Variants in LRRC43 observed in about 807,000 individuals in gnomAD.
The protein encoded by LRRC43 is leucine-rich repeat-containing protein 43.
In LRRC43, 62 loss-of-function variants were observed where a neutral mutation model predicts 64.3. The observed-to-expected ratio is 0.96, with a 90% CI of 0.79 to 1.19. The LOEUF (loss-of-function observed/expected upper bound fraction) is 1.19. Ranked by LOEUF, LRRC43 falls within the 50% of genes most tolerant of loss-of-function variation. The probability of loss-of-function intolerance (pLI) is 0.00; values close to 1 mark genes in which losing one functional copy is unlikely to be tolerated. For missense variants in LRRC43, 868 were observed against 845.0 expected (o/e 1.03, Z -0.34); for synonymous variants, 422 against 382.3 (o/e 1.10, Z -1.21).
At chr12:122,199,719 G>A (rs1230517055) in intron 7 of LRRC43, among the ~76,000 whole-genome samples, 1 of 152,034 alleles carries the variant, frequency 6.6e-6, no homozygotes, top group Non-Finnish European at 1.5e-5. Flanking sequence ...AAGTAGCTGG[G>A]ACTGCAGCCA....
At chr12:122,174,205 G>A (rs1953517319) in intron 1 of LRRC43, 2 of 1,613,758 alleles carry the variant, frequency 1.2e-6, no homozygotes, top group Admixed American at 1.7e-5. Flanking sequence ...TTCAGTGGGG[G>A]CTTCTGGAGC....
Position 122,183,214 on chromosome 12 carries a change from A to C in LRRC43, c.70A>C (p.Thr24Pro), listed in dbSNP as rs746797772. 4 of 1,564,530 alleles carry C rather than the reference A, an allele frequency of 2.6e-6. No individual in the cohort carries two copies. The highest frequency in any genetic ancestry group is 2.4e-5 in the East Asian group (1 of 41,100). The change falls in exon 1 of 12, where the codon ACC becomes CCC. Residue 24 changes from threonine to proline, a missense_variant. Transcript: ENST00000339777. ...EAGPGTQRPG[T>P]GTVSAAVREH... ...CGGGCCTGGGACTCAGCGGCCCGGGACCGGGACCGTGAGCGCGGCCGTGCG... is the reference window on the plus strand; with the variant it reads ...CGGGCCTGGGACTCAGCGGCCCGGGCCCGGGACCGTGAGCGCGGCCGTGCG...
intron 1 of LRRC43, among the ~76,000 whole-genome samples, chr12:122,169,900 C>A (rs2136015649): frequency 6.6e-6 from 1 of 151,840 alleles, no homozygotes; most frequent in Non-Finnish European, 1.5e-5. Flanking sequence ...CCTCCACCTC[C>A]TAGGTTCAAG....
At chr12:122,178,760 TTTTG>T (rs1283577583), upstream of LRRC43, among the ~76,000 whole-genome samples, 1 of 151,910 alleles carries the variant, frequency 6.6e-6, no homozygotes, top group East Asian at 1.9e-4. Context: ...CTTGGCGTTT[TTTTG>T]TTTGTTTGTT....
At chr12:122,169,482 G>A (rs973367064) in intron 1 of LRRC43, among the ~76,000 whole-genome samples, 6 of 152,014 alleles carry the variant, frequency 3.9e-5, no homozygotes, top group East Asian at 1.9e-4. Context: ...TTGGGAGGCC[G>A]AGACAGGTGG....
rs1415269238 is a variant in LRRC43 at position 122,183,177 on chromosome 12, C to T, written c.33C>T (p.Ser11=). ...CGTCGTACGAGTCCGAGTCCGAGTC[C>T]GAGTCTGAGGCCGGGCCTGGGACTC... MEASYESESE[S]ESEAGPGTQR... The change falls in exon 1 of 12, where the codon TCC becomes TCT. Residue 11 remains serine, a synonymous_variant. Transcript: ENST00000339777. 3 of 1,556,500 alleles carry T rather than the reference C, an allele frequency of 1.9e-6. No individual in the cohort carries two copies. In the Admixed American group the frequency reaches 5.5e-5, roughly 29 times the overall value.
At chr12:122,186,367 C>G in intron 3 of LRRC43, 67 bp downstream of exon 3, 1 of 1,016,816 alleles carries the variant, frequency 9.8e-7, no homozygotes, top group South Asian at 1.4e-5. Flanking sequence ...CCTTACCCTG[C>G]CCCACATAGT....
chr12:122,190,910 A>G (rs1953710765), intron 5 of LRRC43, among the ~76,000 whole-genome samples: 1 of 151,704 alleles, frequency 6.6e-6, no homozygotes, highest in Non-Finnish European at 1.5e-5. Flanking sequence ...TGGAGGCTGC[A>G]GTGAGCTATC....
chr12:122,192,896 T>C lies in LRRC43; in HGVS notation c.1241T>C (p.Leu414Pro), dbSNP rs1953734335. The change falls in exon 7 of 12, where the codon CTG becomes CCG. Residue 414 changes from leucine to proline, a missense_variant. Coordinates refer to ENST00000339777, the MANE Select transcript of LRRC43 (RefSeq NM_001098519.2). ...SEVEESGESE[L>P]SVISGPSTIL... ...GTGGAGGAGTCAGGAGAGTCGGAGC[T>C]GTCTGTCATCTCGGGGCCTTCGACC... 3.1e-6 allele frequency: 5 copies of C among 1,614,024 alleles called. No homozygotes were observed. The African/African-American group carries it at 5.3e-5, about 17-fold the overall frequency.
intron 1 of LRRC43, among the ~76,000 whole-genome samples, chr12:122,169,358 A>G (rs1199657369): frequency 6.6e-6 from 1 of 152,130 alleles, no homozygotes; most frequent in Non-Finnish European, 1.5e-5. Context: ...TGAGGCAGTT[A>G]TTACTGTGGT....
At chr12:122,172,281 T>C (rs1387230595) in intron 1 of LRRC43, 3 of 669,848 alleles carry the variant, frequency 4.5e-6, no homozygotes, top group East Asian at 5.3e-5. Flanking sequence ...GACTAGCCCA[T>C]ATGAGGGGTC....
rs773997116 is a variant in LRRC43, at chr12:122,201,326, AAAG to A, written c.1841_1843del (p.Glu615del). ...AAAGAAGATTAAGAAAGTTGCCAAA[AAAG>A]GTGAGTGCCGATGGTGGTGACCAAA... On this transcript the variant is annotated inframe_deletion and splice_region_variant, in exon 11 of 12. Coordinates refer to ENST00000339777, the MANE Select transcript of LRRC43 (RefSeq NM_001098519.2). The A allele has an allele frequency of 6.2e-7, 1 of 1,613,976 alleles. No homozygotes were observed. Among genetic ancestry groups the A allele is most frequent in the African/African-American group, 1.3e-5 (1 of 74,928 alleles).
At chr12:122,186,923 G>T (rs1245377790) in intron 3 of LRRC43, among the ~76,000 whole-genome samples, 1 of 147,538 alleles carries the variant, frequency 6.8e-6, no homozygotes. Context: ...TCTCAAAGTG[G>T]TCTATCCATT....
Position 122,200,246 on chromosome 12 carries a change from C to G in LRRC43, c.1407C>G (p.Tyr469Ter), listed in dbSNP as rs141017122. ...KPWAEVIPCS[Y>*]EMQHSLRDLV... ...GGGCTGAGGTCATCCCCTGCAGTTA[C>G]GAGATGCAGCACTCTCTCAGGGACC... The change falls in exon 8 of 12, where the codon TAC (tyrosine) becomes TAG (stop). Residue 469 changes from tyrosine to a stop codon, truncating the protein, a stop_gained. Transcript: ENST00000339777. LOFTEE classifies it high-confidence loss of function. The surrounding 1 kb of genome is among the most constrained non-coding windows in gnomAD (Gnocchi z 4.6). 1.2e-6 allele frequency: 2 copies of G among 1,614,020 alleles called. No individual in the cohort carries two copies. The highest frequency in any genetic ancestry group is 1.7e-6 in the Non-Finnish European group (2 of 1,180,006).
Position 122,200,967 on chromosome 12 carries a change from C to G in LRRC43, c.1809+33C>G. 1.3e-6 allele frequency: 2 copies of G among 1,549,768 alleles called. No individual in the cohort carries two copies. The highest frequency in any genetic ancestry group is 1.7e-6 in the Non-Finnish European group (2 of 1,149,980). ...CGGGCCCTAGCCACATCCTCCACCTCTGCCTTCGCCCTCCCCATGGGAACC... is the reference window on the plus strand; with the variant it reads ...CGGGCCCTAGCCACATCCTCCACCTGTGCCTTCGCCCTCCCCATGGGAACC... On this transcript the variant is annotated intron_variant, in intron 10 of 11. Transcript: ENST00000339777. The surrounding 1 kb of genome is among the most constrained non-coding windows in gnomAD (Gnocchi z 4.6).
At chr12:122,185,115 G>T (rs1009829268) in intron 2 of LRRC43, among the ~76,000 whole-genome samples, 2 of 152,184 alleles carry the variant, frequency 1.3e-5, no homozygotes, top group East Asian at 3.8e-4. Context: ...GGTCAGGGTA[G>T]GGGAAGGTTG....
intron 2 of LRRC43, among the ~76,000 whole-genome samples, 165 bp from the exon 3 acceptor site, chr12:122,186,025 C>G (rs970583270): frequency 6.6e-6 from 1 of 151,776 alleles, no homozygotes; most frequent in African/African-American, 2.4e-5. Flanking sequence ...CTCTTGGATC[C>G]TGGCAGAGCG....
At position 122,187,691 on chromosome 12, in the gene LRRC43, G is replaced by T; in HGVS notation, c.523-10G>T. The T allele has an allele frequency of 6.2e-7, 1 of 1,612,758 alleles. No individual in the cohort carries two copies. On this transcript the variant is annotated splice_polypyrimidine_tract_variant and intron_variant, in intron 3 of 11. Coordinates refer to ENST00000339777, the MANE Select transcript of LRRC43 (RefSeq NM_001098519.2). ...CCCCATCGTCCCGGGCCTTCCGTGT[G>T]GTCTCCCAGGTGCTGGAGCTCTACG...
At position 122,186,303 on chromosome 12, in the gene LRRC43, G is replaced by T. The variant is rs1236027989; in HGVS notation, c.522+3G>T. 6.3e-7 allele frequency: 1 copy of T among 1,577,656 alleles called. No individual in the cohort carries two copies. On this transcript the variant is annotated splice_donor_region_variant and intron_variant, in intron 3 of 11. Coordinates refer to ENST00000339777, the MANE Select transcript of LRRC43 (RefSeq NM_001098519.2). ...CCAATCTGCCCCCCACACTCAAGGT[G>T]AAGGAGCCCCGGTCTGTGTTGAGTA... is the stretch of plus-strand genomic sequence containing the variant.
Sources: gnomAD v4.1 joint callset for allele counts (sites outside exome capture counted in the v4.1 genomes callset) on GRCh38, gnomAD v4.1.1 for gene constraint, Gnocchi (gnomAD v3.1) non-coding constraint, MANE v1.5 for transcripts, NCBI Gene and HGNC (gene_info 2026-07-23, HGNC 2026-07-21) for gene names.